PRXL2A: variants seen among roughly 807,000 people sequenced by gnomAD.
The protein encoded by PRXL2A is peroxiredoxin-like 2A.
In PRXL2A, 26 loss-of-function variants were observed where a neutral mutation model predicts 25.6. The observed-to-expected ratio is 1.02, with a 90% CI of 0.74 to 1.41. PRXL2A has a LOEUF of 1.41. PRXL2A is among the 40% of genes most tolerant of loss of function. The probability of loss-of-function intolerance (pLI) is 0.00; values close to 1 mark genes in which losing one functional copy is unlikely to be tolerated. For synonymous variants in PRXL2A, 98 were observed against 102.9 expected, an observed-to-expected ratio of 0.95 and a Z score of 0.29; for missense variants, 246 against 273.9, an observed-to-expected ratio of 0.90 and a Z score of 0.72.
Position 80,418,070 on chromosome 10 carries a change from A to G in PRXL2A, c.-2-2396A>G, listed in dbSNP as rs538100100. 2.7e-5 allele frequency among the ~76,000 whole-genome samples: 4 copies of G among 148,262 alleles called. No individual in the cohort carries two copies. In the East Asian group the frequency reaches 7.9e-4, roughly 29 times the overall value. On this transcript the variant is annotated intron_variant, in intron 1 of 5. Coordinates refer to ENST00000606162, the MANE Select transcript of PRXL2A (RefSeq NM_032333.5). ...TTTTAGATTCATGGGGTACATATGC[A>G]TATTTGTTACATGGGTATATTGTGT...
At chr10:80,412,528 A>G (rs997755502) in intron 1 of PRXL2A, among the ~76,000 whole-genome samples, 1 of 152,218 alleles carries the variant, frequency 6.6e-6, no homozygotes, top group Non-Finnish European at 1.5e-5. Flanking sequence ...GTGCCAACAT[A>G]TTGTGGAGAC....
At chr10:80,416,538 T>G (rs2131884526) in intron 1 of PRXL2A, among the ~76,000 whole-genome samples, 1 of 152,218 alleles carries the variant, frequency 6.6e-6, no homozygotes, top group Admixed American at 6.5e-5. Context: ...CAGGGAAGCC[T>G]TCTTAAAGAG....
intron 4 of PRXL2A, 124 bp from the exon 5 acceptor site, chr10:80,427,208 A>G: frequency 2.7e-6 from 2 of 739,842 alleles, no homozygotes; most frequent in Middle Eastern, 4.0e-4. Flanking sequence ...GTGGGAGAGA[A>G]GACTGGAACC....
At chr10:80,430,322 A>G (rs1845208556) in intron 5 of PRXL2A, among the ~76,000 whole-genome samples, 1 of 152,004 alleles carries the variant, frequency 6.6e-6, no homozygotes, top group Non-Finnish European at 1.5e-5. Context: ...GACTGGTCTC[A>G]AACTCCTGAC....
At chr10:80,416,095 CTCT>C (rs1358058138) in intron 1 of PRXL2A, among the ~76,000 whole-genome samples, 1 of 152,184 alleles carries the variant, frequency 6.6e-6, no homozygotes, top group Non-Finnish European at 1.5e-5. Flanking sequence ...TCTGGGAAAT[CTCT>C]TGTTTACAGC....
chr10:80,423,722 G>C (rs1844940500), intron 3 of PRXL2A, among the ~76,000 whole-genome samples: 1 of 152,212 alleles, frequency 6.6e-6, no homozygotes, highest in Non-Finnish European at 1.5e-5. Flanking sequence ...GGAGGAAACA[G>C]TTACAGAGGT....
Position 80,434,620 on chromosome 10 carries a change from G to C in PRXL2A, c.*2521G>C, listed in dbSNP as rs1314024128. On this transcript the variant is annotated 3_prime_UTR_variant, in exon 6 of 6. Coordinates refer to ENST00000606162, the MANE Select transcript of PRXL2A (RefSeq NM_032333.5). ...TGCAGAGGTGATGGAATTTTAAAGA[G>C]GGGAGGGAGGAGGTTCAAATAGAAC... 3.3e-5 allele frequency: 5 copies of C among 152,306 alleles called. No homozygotes were observed. Among genetic ancestry groups the C allele is most frequent in the Admixed American group, 1.3e-4 (2 of 15,294 alleles). 9.4% of individuals were successfully genotyped at this position (152,306 alleles called of 1,614,324 possible). A position where few individuals can be genotyped will look rare whatever the true frequency, so the allele number is the denominator to read the frequency against.
chr10:80,426,024 C>G lies in PRXL2A; in HGVS notation c.411+18C>G, dbSNP rs368959911. The G allele has an allele frequency of 6.2e-7, 1 of 1,613,876 alleles. No individual in the cohort carries two copies. Among genetic ancestry groups the G allele is most frequent in the East Asian group, 2.2e-5 (1 of 44,882 alleles). On this transcript the variant is annotated intron_variant, in intron 4 of 5. Coordinates refer to ENST00000606162, the MANE Select transcript of PRXL2A (RefSeq NM_032333.5). ...ATGAAAAGGTGTGTGTGATGGGAGG[C>G]TTTTAGACACAGACTGCTGGGGATT...
rs147356486 is a variant in PRXL2A, at chr10:80,419,845, A to G, written c.-2-621A>G. On this transcript the variant is annotated intron_variant, in intron 1 of 5. Transcript: ENST00000606162. The stretch of plus-strand genomic sequence containing the variant: ...TAAGGGAGAAATAAAGCTCTTCTCA[A>G]TTGGGAGAAATTACTGCCTGCCTAT... Among the ~76,000 whole-genome samples, 348 of 152,276 alleles carry G rather than the reference A, an allele frequency of 2.3e-3. 2 individuals are homozygous for G. The highest frequency in any genetic ancestry group is 8.0e-3 in the African/African-American group (333 of 41,548).
chr10:80,422,637 C>T (rs1844910918), intron 3 of PRXL2A, 129 bp downstream of exon 3: 1 of 530,506 alleles, frequency 1.9e-6, no homozygotes. Context: ...CTGTTATTTG[C>T]TCTAGGTATT....
chr10:80,412,752 C>G (rs947106358), intron 1 of PRXL2A, among the ~76,000 whole-genome samples: 1 of 152,028 alleles, frequency 6.6e-6, no homozygotes, highest in Non-Finnish European at 1.5e-5. Flanking sequence ...GGGGGCATCC[C>G]GGGCAAAGGA....
intron 4 of PRXL2A, 28 bp from the exon 5 acceptor site, chr10:80,427,304 T>C (rs1564694460): frequency 1.2e-6 from 2 of 1,608,294 alleles, no homozygotes; most frequent in Non-Finnish European, 1.7e-6. Flanking sequence ...AGAGTACTCA[T>C]ATGGGATCTG....
At chr10:80,431,020 C>T (rs1191585725) in intron 5 of PRXL2A, among the ~76,000 whole-genome samples, 1 of 152,160 alleles carries the variant, frequency 6.6e-6, no homozygotes, top group Non-Finnish European at 1.5e-5. Context: ...GTTTCAGCCT[C>T]CTGAATAGCT....
At chr10:80,427,271 C>T in intron 4 of PRXL2A, 61 bp from the exon 5 acceptor site, 1 of 1,501,318 alleles carries the variant, frequency 6.7e-7, no homozygotes, top group Non-Finnish European at 9.2e-7. Context: ...GGAGCGTTTC[C>T]TCCTTGAGGA....
Position 80,426,016 on chromosome 10 carries a change from A to G in PRXL2A, c.411+10A>G. ...CTTCCTGGATGAAAAGGTGTGTGTG[A>G]TGGGAGGCTTTTAGACACAGACTGC... On this transcript the variant is annotated intron_variant, in intron 4 of 5. Transcript: ENST00000606162. 6.2e-7 allele frequency: 1 copy of G among 1,614,064 alleles called. No individual in the cohort carries two copies. Among genetic ancestry groups the G allele is most frequent in the Non-Finnish European group, 8.5e-7 (1 of 1,179,986 alleles).
chr10:80,423,937 T>G (rs1844946989), intron 3 of PRXL2A, among the ~76,000 whole-genome samples: 1 of 152,152 alleles, frequency 6.6e-6, no homozygotes, highest in Admixed American at 6.5e-5. Context: ...AGAGGCCACC[T>G]ATGTATATTG....
chr10:80,431,989 ATTC>A lies in PRXL2A; in HGVS notation c.586_588del (p.Leu196del), dbSNP rs1214172166. ...ATTATCTCTTGTTTCCTTTTAGGGC[ATTC>A]TTCTTGAGCACCGAGAAAAAGAATT... On this transcript the variant is annotated inframe_deletion, in exon 6 of 6. Transcript: ENST00000606162. The A allele has an allele frequency of 1.9e-6, 3 of 1,607,950 alleles. No individual in the cohort carries two copies. The highest frequency in any genetic ancestry group is 4.5e-5 in the East Asian group (2 of 44,810).
chr10:80,422,097 A>G (rs573854584), intron 2 of PRXL2A, among the ~76,000 whole-genome samples: 1 of 152,328 alleles, frequency 6.6e-6, no homozygotes, highest in African/African-American at 2.4e-5. Flanking sequence ...ATATCTGATG[A>G]CATCAGCAAT....
chr10:80,412,641 G>A (rs1844512662), intron 1 of PRXL2A, among the ~76,000 whole-genome samples: 1 of 152,202 alleles, frequency 6.6e-6, no homozygotes, highest in African/African-American at 2.4e-5. Flanking sequence ...TCAGTGAGCA[G>A]TCAGTTGTCA....
Sources: allele counts gnomAD v4.1 joint callset (sites outside exome capture counted in the v4.1 genomes callset), GRCh38; gene constraint gnomAD v4.1.1; transcripts MANE v1.5; gene names NCBI Gene and HGNC (gene_info 2026-07-23, HGNC 2026-07-21).